ASIC2: variants seen among roughly 807,000 people sequenced by gnomAD.
The protein encoded by ASIC2 is acid sensing ion channel subunit 2.
In ASIC2, 25 loss-of-function variants were observed where a neutral mutation model predicts 57.3. The ratio of observed to expected loss-of-function variants is 0.44; its 90% confidence interval spans 0.32 to 0.61. ASIC2 has a LOEUF of 0.61. ASIC2 is among the 20% of genes least tolerant of loss of function. The probability of loss-of-function intolerance (pLI) is 0.06; values close to 1 mark genes in which losing one functional copy is unlikely to be tolerated. For synonymous variants in ASIC2, 319 were observed against 307.5 expected (o/e 1.04, Z -0.39); for missense variants, 641 against 738.1 (o/e 0.87, Z 1.52).
intron 1 of ASIC2, among the ~76,000 whole-genome samples, chr17:33,182,151 T>C (rs1316348371): frequency 6.6e-6 from 1 of 152,110 alleles, no homozygotes; most frequent in Non-Finnish European, 1.5e-5. Context: ...CTAGGGATGA[T>C]ACGGTGACAG....
intron 1 of ASIC2, among the ~76,000 whole-genome samples, chr17:33,509,808 G>C (rs73983933): frequency 6.6e-6 from 1 of 152,194 alleles, no homozygotes; most frequent in African/African-American, 2.4e-5. Flanking sequence ...AGTACTTAAG[G>C]AACTGGTGAA....
intron 1 of ASIC2, among the ~76,000 whole-genome samples, chr17:34,018,647 G>C (rs1035451285): frequency 6.6e-6 from 1 of 152,192 alleles, no homozygotes; most frequent in African/African-American, 2.4e-5. Flanking sequence ...CAGAGGTTTG[G>C]AAGAAGTTGA....
At chr17:33,974,605 T>TATCTATCC (rs112676269) in intron 1 of ASIC2, among the ~76,000 whole-genome samples, 1 of 145,330 alleles carries the variant, frequency 6.9e-6, no homozygotes, top group Non-Finnish European at 1.5e-5. Flanking sequence ...GGAACCTATC[T>TATCTATCC]ATCCATCCAT....
At chr17:33,733,745 C>A (rs1469326564) in intron 1 of ASIC2, among the ~76,000 whole-genome samples, 1 of 152,180 alleles carries the variant, frequency 6.6e-6, no homozygotes, top group Non-Finnish European at 1.5e-5. Flanking sequence ...CTCATCCTGC[C>A]AAGCTTCTGT....
At chr17:34,078,375 A>T (rs148970670) in intron 1 of ASIC2, among the ~76,000 whole-genome samples, 81 of 152,244 alleles carry the variant, frequency 5.3e-4, no homozygotes, top group African/African-American at 1.8e-3. Flanking sequence ...AAGTAAACAC[A>T]GCTGAGCCCA....
Position 33,433,276 on chromosome 17 carries a change from A to T in ASIC2, c.556-321209T>A, listed in dbSNP as rs112828456. On this transcript the variant is annotated intron_variant, in intron 1 of 9. Transcript: ENST00000359872. ...AACATGGATGGAGCTGGAGGCCATC[A>T]TCCTTAGCAAACTAACACAGGAACA... 3.2e-3 allele frequency among the ~76,000 whole-genome samples: 486 copies of T among 152,372 alleles called. 1 individual carries two copies. Among genetic ancestry groups the T allele is most frequent in the African/African-American group, 0.011 (468 of 41,578 alleles).
rs1313710715 is a variant in ASIC2 at position 33,039,661 on chromosome 17, T to G, written c.988-11269A>C. Among the ~76,000 whole-genome samples the G allele has an allele frequency of 6.6e-5, 10 of 152,180 alleles. No individual in the cohort carries two copies. The East Asian group carries it at 1.9e-3, about 29-fold the overall frequency. ...CTGCATAATAGGACCTGACATAAAA[T>G]GCAGCCCCTTGTTAAGTTGTACAGA... On this transcript the variant is annotated intron_variant, in intron 3 of 9. Transcript: ENST00000225823.
At chr17:33,981,037 G>A (rs1226613109) in intron 1 of ASIC2, among the ~76,000 whole-genome samples, 4 of 151,170 alleles carry the variant, frequency 2.6e-5, no homozygotes, top group Admixed American at 2.0e-4. Context: ...CTGGGTTCAA[G>A]CAACTCCACT....
chr17:33,617,639 C>T (rs1338577486), intron 1 of ASIC2, among the ~76,000 whole-genome samples: 2 of 152,120 alleles, frequency 1.3e-5, no homozygotes, highest in East Asian at 1.9e-4. Context: ...ACATGTACCC[C>T]GGACCTAAAA....
Position 33,964,125 on chromosome 17 carries a change from G to T in ASIC2, c.555+191853C>A, listed in dbSNP as rs546989396. ...ACTCTTTGTGCTATGCCCAGGTGAG[G>T]CTTCAGAATCTGTCCCTGGAAACCA... On this transcript the variant is annotated intron_variant, in intron 1 of 9. Transcript: ENST00000359872. 5.9e-5 allele frequency among the ~76,000 whole-genome samples: 9 copies of T among 152,352 alleles called. No individual in the cohort carries two copies. The South Asian group carries it at 1.9e-3, about 32-fold the overall frequency.
chr17:33,696,905 T>C (rs1908544970), intron 1 of ASIC2, among the ~76,000 whole-genome samples: 1 of 152,194 alleles, frequency 6.6e-6, no homozygotes, highest in South Asian at 2.1e-4. Context: ...CCTTCCCAAA[T>C]CTCATATTGA....
chr17:34,047,046 G>A (rs1054583966), intron 1 of ASIC2, among the ~76,000 whole-genome samples: 2 of 152,058 alleles, frequency 1.3e-5, no homozygotes, highest in African/African-American at 4.8e-5. Context: ...CATCTTTATA[G>A]ATTAGAAAAC....
At chr17:34,124,521 T>A (rs1172745531) in intron 1 of ASIC2, among the ~76,000 whole-genome samples, 1 of 152,200 alleles carries the variant, frequency 6.6e-6, no homozygotes, top group Non-Finnish European at 1.5e-5. Flanking sequence ...GGTTTGCCTG[T>A]TCAGCTTCAG....
chr17:33,863,035 GC>G (rs1395410306), intron 1 of ASIC2, among the ~76,000 whole-genome samples: 2 of 152,236 alleles, frequency 1.3e-5, no homozygotes, highest in African/African-American at 4.8e-5. Context: ...TGAGCAAAGA[GC>G]CCTAGAGTGT....
At chr17:33,347,510 T>A (rs1401500484) in intron 1 of ASIC2, among the ~76,000 whole-genome samples, 1 of 152,086 alleles carries the variant, frequency 6.6e-6, no homozygotes, top group Non-Finnish European at 1.5e-5. Context: ...CAAATAAATG[T>A]GTGTGGGAAA....
chr17:34,000,590 G>T (rs1906308170), intron 1 of ASIC2, among the ~76,000 whole-genome samples: 1 of 152,020 alleles, frequency 6.6e-6, no homozygotes, highest in Admixed American at 6.6e-5. Flanking sequence ...GGAGTTCTTT[G>T]GGCTTCATAG....
intron 1 of ASIC2, chr17:34,155,932 C>G (rs368772167): frequency 1.2e-5 from 18 of 1,549,880 alleles, no homozygotes; most frequent in Non-Finnish European, 1.5e-5. Flanking sequence ...CGGCGCACCA[C>G]TTCTCCAGAG....
intron 1 of ASIC2, among the ~76,000 whole-genome samples, chr17:33,750,405 C>T (rs1356504887): frequency 1.3e-5 from 2 of 152,104 alleles, no homozygotes; most frequent in African/African-American, 2.4e-5. Context: ...CTCATGTGCA[C>T]GATATTGTGC....
In ASIC2 at chr17:33,550,192, C is replaced by G. The variant is rs558599263; in HGVS notation, c.556-438125G>C. On this transcript the variant is annotated intron_variant, in intron 1 of 9. Coordinates refer to the ASIC2 transcript ENST00000359872. ...AGATAGTAATAAAGCATTGCTTTGTCTACTCTGTGAATATATTGTAGAAAT... is the reference window on the plus strand; with the variant it reads ...AGATAGTAATAAAGCATTGCTTTGTGTACTCTGTGAATATATTGTAGAAAT... Among the ~76,000 whole-genome samples, 198 of 152,280 alleles carry G rather than the reference C, an allele frequency of 1.3e-3. 2 individuals are homozygous for G. The highest frequency in any genetic ancestry group is 4.6e-3 in the African/African-American group (191 of 41,556).
Sources: allele counts gnomAD v4.1 joint callset (sites outside exome capture counted in the v4.1 genomes callset), GRCh38; gene constraint gnomAD v4.1.1; transcripts MANE v1.5; gene names NCBI Gene and HGNC (gene_info 2026-07-23, HGNC 2026-07-21).